Variants in OPRM1 observed in about 807,000 individuals in gnomAD.
OPRM1 encodes the protein opioid receptor mu 1.
In OPRM1, 27 loss-of-function variants were observed where a neutral mutation model predicts 31.8. The observed-to-expected ratio is 0.85, with a 90% CI of 0.63 to 1.17. The LOEUF (loss-of-function observed/expected upper bound fraction) is 1.17, where lower values mean the gene tolerates loss of function less well. Ranked by LOEUF, OPRM1 falls within the 50% of genes most tolerant of loss-of-function variation. The pLI is 0.00. For synonymous variants in OPRM1, 196 were observed against 189.9 expected (o/e 1.03, Z -0.26); for missense variants, 536 against 511.1 (o/e 1.05, Z -0.47).
intron 3 of OPRM1, among the ~76,000 whole-genome samples, chr6:154,206,615 A>G (rs1246824846): frequency 1.3e-5 from 2 of 152,092 alleles, no homozygotes; most frequent in Non-Finnish European, 2.9e-5. Context: ...GAAAAAAATC[A>G]TCAAAAAAAG....
chr6:154,137,151 C>G (rs377085048), downstream of OPRM1, among the ~76,000 whole-genome samples: 2 of 152,156 alleles, frequency 1.3e-5, no homozygotes, highest in East Asian at 3.9e-4. Flanking sequence ...CAAAACTATA[C>G]TTTTAACCTC....
intron 3 of OPRM1, among the ~76,000 whole-genome samples, chr6:154,203,892 G>A (rs956805029): frequency 6.6e-6 from 1 of 152,176 alleles, no homozygotes; most frequent in Non-Finnish European, 1.5e-5. Flanking sequence ...CCTCCATAAA[G>A]TTGCTGAGTG....
chr6:154,091,865 A>G, intron 3 of OPRM1: 1 of 996,670 alleles, frequency 1.0e-6, no homozygotes, highest in South Asian at 4.5e-5. Flanking sequence ...CTCAAAAGCC[A>G]GTCTTGCTCT....
At chr6:154,213,028 G>A in intron 3 of OPRM1, 1 of 582,972 alleles carries the variant, frequency 1.7e-6, no homozygotes, top group South Asian at 2.2e-5. Flanking sequence ...ATAAGAGGCA[G>A]AAACAAATGG....
In OPRM1 at chr6:154,012,908, C is replaced by T. The variant is rs79575003; in HGVS notation, c.-1+1890C>T. Reference sequence around the variant, plus strand: ...AAGAAAGCCTTCTTGGGTCTCTTCTCATAAGGGCACTCATCCCATCATAAG... The same window carrying T: ...AAGAAAGCCTTCTTGGGTCTCTTCTTATAAGGGCACTCATCCCATCATAAG... On this transcript the variant is annotated intron_variant, in intron 1 of 5. Coordinates refer to the OPRM1 transcript ENST00000434900. 8.8e-3 allele frequency among the ~76,000 whole-genome samples: 1,343 copies of T among 152,156 alleles called. 17 individuals carry two copies. The highest frequency in any genetic ancestry group is 0.031 in the African/African-American group (1,296 of 41,512).
chr6:154,190,562 A>T (rs527388625), intron 3 of OPRM1, among the ~76,000 whole-genome samples: 1 of 152,332 alleles, frequency 6.6e-6, no homozygotes, highest in East Asian at 1.9e-4. Flanking sequence ...TGATGGTGGG[A>T]ATGCAAAATG....
chr6:154,216,690 A>ACTCC lies in OPRM1; in HGVS notation c.1165-30003_1165-30002insCTCC, dbSNP rs1778422735. On this transcript the variant is annotated intron_variant, in intron 3 of 3. Transcript: ENST00000337049. ...GGAGACCAGCCTGACCAACATGGTG[A>ACTCC]AACCCTGTCTTTACCAAAAATACAA... Among the ~76,000 whole-genome samples the ACTCC allele has an allele frequency of 1.2e-4, 18 of 152,194 alleles. No homozygotes were observed. The South Asian group carries it at 3.5e-3, about 30-fold the overall frequency.
chr6:154,030,232 A>G (rs1422094696), intron 1 of OPRM1, among the ~76,000 whole-genome samples: 1 of 151,538 alleles, frequency 6.6e-6, no homozygotes, highest in East Asian at 1.9e-4. Context: ...AGGATATATT[A>G]ATACGTTTAT....
At chr6:154,217,766 A>G (rs1254283363) in intron 3 of OPRM1, among the ~76,000 whole-genome samples, 4 of 152,250 alleles carry the variant, frequency 2.6e-5, no homozygotes, top group Non-Finnish European at 5.9e-5. Flanking sequence ...TCATAATTGT[A>G]TAAGTTTATT....
intron 3 of OPRM1, among the ~76,000 whole-genome samples, chr6:154,188,766 A>T (rs184796339): frequency 7.9e-5 from 12 of 152,376 alleles, no homozygotes; most frequent in Admixed American, 7.8e-4. Flanking sequence ...GTTTGGGAGA[A>T]AAATGGCGTG....
At chr6:154,151,059 C>T (rs1798486387) in intron 3 of OPRM1, among the ~76,000 whole-genome samples, 2 of 152,344 alleles carry the variant, frequency 1.3e-5, no homozygotes, top group South Asian at 2.1e-4. Flanking sequence ...CAGTCCACCA[C>T]AGGTAAAAGT....
chr6:154,199,233 A>G (rs1562536798), intron 3 of OPRM1, among the ~76,000 whole-genome samples: 1 of 152,252 alleles, frequency 6.6e-6, no homozygotes, highest in Non-Finnish European at 1.5e-5. Context: ...GCTAAGAATT[A>G]GATACTGTCT....
At chr6:154,077,195 T>C (rs1468046171) in intron 1 of OPRM1, among the ~76,000 whole-genome samples, 2 of 152,096 alleles carry the variant, frequency 1.3e-5, no homozygotes, top group African/African-American at 4.8e-5. Flanking sequence ...TTTTCCCTGC[T>C]TCTTCAAGTT....
chr6:154,125,853 A>T lies in OPRM1; in HGVS notation c.*7132A>T, dbSNP rs1180170064. 5.6e-4 allele frequency among the ~76,000 whole-genome samples: 2 copies of T among 3,542 alleles called. 1 individual carries two copies. The highest frequency in any genetic ancestry group is 3.5e-3 in the Non-Finnish European group (2 of 568). The allele number at this position is 3,542 out of a possible 152,430, so 2.3% of individuals were successfully genotyped here. A position where few individuals can be genotyped will look rare whatever the true frequency, so the allele number is the denominator to read the frequency against. ...AGTCTCGCTCTGTCGCCCAGGCTGG[A>T]GTACAGTGGCGGGATCTCGGCTCAC... On this transcript the variant is annotated 3_prime_UTR_variant, in exon 4 of 4. Transcript: ENST00000330432.
chr6:154,016,306 T>G (rs545365227), intron 1 of OPRM1, among the ~76,000 whole-genome samples: 20 of 152,314 alleles, frequency 1.3e-4, no homozygotes, highest in African/African-American at 3.6e-4. Flanking sequence ...CATATCATTA[T>G]GTACTATCAC....
chr6:154,031,888 G>A (rs770265477), intron 1 of OPRM1, among the ~76,000 whole-genome samples: 15 of 152,176 alleles, frequency 9.9e-5, no homozygotes, highest in Non-Finnish European at 1.6e-4. Context: ...AGGAGCAAAC[G>A]GTGAGTATCC....
intron 1 of OPRM1, among the ~76,000 whole-genome samples, chr6:154,014,183 G>A (rs1225372592): frequency 6.6e-6 from 1 of 152,176 alleles, no homozygotes; most frequent in Admixed American, 6.5e-5. Context: ...TATTTCAAGT[G>A]CAGACGCCAT....
chr6:154,071,676 G>A (rs868315528), intron 1 of OPRM1, among the ~76,000 whole-genome samples: 1 of 152,206 alleles, frequency 6.6e-6, no homozygotes, highest in Non-Finnish European at 1.5e-5. Context: ...TAGACAGTGT[G>A]CTGTCCTAAA....
chr6:154,195,210 C>T (rs1221011312), intron 3 of OPRM1, among the ~76,000 whole-genome samples: 1 of 147,988 alleles, frequency 6.8e-6, no homozygotes, highest in Non-Finnish European at 1.5e-5. Context: ...TGCAGTGGCA[C>T]GATCTCGGCT....
Sources: gnomAD v4.1 joint callset for allele counts (sites outside exome capture counted in the v4.1 genomes callset) on GRCh38, gnomAD v4.1.1 for gene constraint, MANE v1.5 for transcripts, NCBI Gene and HGNC (gene_info 2026-07-23, HGNC 2026-07-21) for gene names.